The following RGL1 variants were observed in gnomAD, a reference collection of about 807,000 sequenced individuals.
RGL1 encodes ral guanine nucleotide dissociation stimulator like 1.
Under a neutral mutation model 95.2 loss-of-function variants are expected in RGL1, and 24 were observed. That is an observed-to-expected ratio of 0.25 (90% CI 0.18 to 0.35). The LOEUF (loss-of-function observed/expected upper bound fraction) is 0.35. RGL1 is among the 10% of genes least tolerant of loss of function. RGL1 has a pLI of 1.00. For missense variants in RGL1, 715 were observed against 936.3 expected (o/e 0.76, Z 3.08); for synonymous variants, 329 against 344.9 (o/e 0.95, Z 0.51).
chr1:183,819,113 G>C (rs908933224), intron 2 of RGL1, among the ~76,000 whole-genome samples: 5 of 152,168 alleles, frequency 3.3e-5, no homozygotes, highest in African/African-American at 4.8e-5. Flanking sequence ...ATTCTACTTA[G>C]GATTTTCATG....
intron 2 of RGL1, among the ~76,000 whole-genome samples, chr1:183,752,997 G>A (rs986244407): frequency 5.9e-5 from 9 of 151,962 alleles, no homozygotes; most frequent in African/African-American, 1.9e-4. Context: ...TTTGGGGTAC[G>A]AGGGCTTCTC....
Position 183,916,814 on chromosome 1 carries a change from A to G in RGL1, c.2004+113A>G, listed in dbSNP as rs188476758. The G allele has an allele frequency of 7.3e-4, 867 of 1,180,004 alleles. 8 individuals are homozygous for G. Among genetic ancestry groups the G allele is most frequent in the South Asian group, 6.4e-4 (43 of 66,674 alleles). The allele number at this position is 1,180,004 out of a possible 1,614,324, so 73.1% of individuals were successfully genotyped here. ...ATGCACACTCAATATTAGCATATAC[A>G]TATATGCATTCACACAGAAGGGATG... On this transcript the variant is annotated intron_variant, in intron 16 of 17. Coordinates refer to ENST00000360851, the MANE Select transcript of RGL1 (RefSeq NM_001297671.3).
chr1:183,871,829 G>T lies in RGL1; in HGVS notation c.425+5756G>T, dbSNP rs191910847. ...CACATGCGGAGTACTTGTAATTCCA[G>T]TCCAGAGTTCAGGCTTTGCACAATG... On this transcript the variant is annotated intron_variant, in intron 4 of 17. Transcript: ENST00000360851. 6.0e-4 allele frequency among the ~76,000 whole-genome samples: 91 copies of T among 152,338 alleles called. 1 individual carries two copies. Among genetic ancestry groups the T allele is most frequent in the African/African-American group, 2.2e-3 (91 of 41,574 alleles).
intron 4 of RGL1, among the ~76,000 whole-genome samples, chr1:183,877,331 G>A (rs1232606457): frequency 6.6e-6 from 1 of 152,230 alleles, no homozygotes; most frequent in Non-Finnish European, 1.5e-5. Context: ...ACTGGAGCCA[G>A]GCTGGGTAAG....
At chr1:183,674,383 T>C (rs1460496004) in intron 1 of RGL1, among the ~76,000 whole-genome samples, 2 of 152,064 alleles carry the variant, frequency 1.3e-5, no homozygotes, top group Admixed American at 1.3e-4. Flanking sequence ...TACACTTTTG[T>C]TTTTTTTAAA....
At chr1:183,657,090 CT>C (rs1201819369) in intron 1 of RGL1, among the ~76,000 whole-genome samples, 4 of 144,536 alleles carry the variant, frequency 2.8e-5, no homozygotes, top group African/African-American at 1.0e-4. Context: ...TTTTTTATTT[CT>C]GTGAAAAATG....
chr1:183,648,278 T>C (rs12045762), intron 1 of RGL1: 61,475 of 1,614,114 alleles, frequency 0.038, 2,037 homozygotes, highest in African/African-American at 0.17. Flanking sequence ...CGCGGTTCCA[T>C]GCTGAGGCAG....
At chr1:183,842,647 T>C (rs572560465) in intron 2 of RGL1, among the ~76,000 whole-genome samples, 1 of 152,304 alleles carries the variant, frequency 6.6e-6, no homozygotes, top group African/African-American at 2.4e-5. Flanking sequence ...AGTACCGTGA[T>C]CTTGTCAGTA....
intron 1 of RGL1, among the ~76,000 whole-genome samples, chr1:183,638,701 A>G (rs1649709234): frequency 6.6e-6 from 1 of 152,188 alleles, no homozygotes; most frequent in African/African-American, 2.4e-5. Flanking sequence ...ATGAGTGCTT[A>G]CCCTGATATA....
intron 2 of RGL1, among the ~76,000 whole-genome samples, chr1:183,836,147 G>A (rs925421722): frequency 6.6e-6 from 1 of 152,132 alleles, no homozygotes; most frequent in Non-Finnish European, 1.5e-5. Context: ...ATACAAGTTA[G>A]CCTTCTTTCT....
At chr1:183,902,491 A>T in intron 11 of RGL1, 77 bp from the exon 12 acceptor site, 1 of 1,235,258 alleles carries the variant, frequency 8.1e-7, no homozygotes, top group Non-Finnish European at 1.1e-6. Flanking sequence ...GATCTATTTT[A>T]ATGTGACCTA....
At chr1:183,737,625 G>T (rs1291186310) in intron 1 of RGL1, among the ~76,000 whole-genome samples, 1 of 150,834 alleles carries the variant, frequency 6.6e-6, no homozygotes, top group Admixed American at 6.6e-5. Flanking sequence ...CTCATCTGCA[G>T]ATTGTTTCTC....
At chr1:183,735,502 G>T (rs1019296620) in intron 1 of RGL1, among the ~76,000 whole-genome samples, 1 of 152,120 alleles carries the variant, frequency 6.6e-6, no homozygotes, top group African/African-American at 2.4e-5. Context: ...TAAAGAGCTG[G>T]CAGGCTAGCA....
At chr1:183,918,622 G>A (rs555660164) in intron 16 of RGL1, among the ~76,000 whole-genome samples, 1 of 152,354 alleles carries the variant, frequency 6.6e-6, no homozygotes, top group African/African-American at 2.4e-5. Context: ...GTCACAGGTT[G>A]TGCATGCTGT....
At chr1:183,823,114 T>A (rs1211957181) in intron 2 of RGL1, among the ~76,000 whole-genome samples, 2 of 152,332 alleles carry the variant, frequency 1.3e-5, no homozygotes, top group Non-Finnish European at 2.9e-5. Context: ...CTTCTTAGAA[T>A]GAACTGTATG....
chr1:183,897,207 T>C (rs889749665), intron 9 of RGL1, among the ~76,000 whole-genome samples: 1 of 152,180 alleles, frequency 6.6e-6, no homozygotes, highest in Non-Finnish European at 1.5e-5. Flanking sequence ...ATGATTGCTT[T>C]CATAACCAAA....
rs893686465 is a variant in RGL1 at position 183,742,388 on chromosome 1, A to G, written c.132+99A>G. 20 of 1,415,164 alleles carry G rather than the reference A, an allele frequency of 1.4e-5. No individual in the cohort carries two copies. The African/African-American group carries it at 2.7e-4, about 19-fold the overall frequency. The allele number at this position is 1,415,164 out of a possible 1,614,324, so 87.7% of individuals were successfully genotyped here. A position where few individuals can be genotyped will look rare whatever the true frequency, so the allele number is the denominator to read the frequency against. On this transcript the variant is annotated intron_variant, in intron 2 of 18. Coordinates refer to the RGL1 transcript ENST00000304685. Reference sequence around the variant, plus strand: ...AGCCAGCACCACAGGCCAGCTTGGCAAATCTTTATTCAGGGGCTGTAGGCA... The same window carrying G: ...AGCCAGCACCACAGGCCAGCTTGGCGAATCTTTATTCAGGGGCTGTAGGCA...
chr1:183,801,345 G>T (rs942466156), upstream of RGL1, among the ~76,000 whole-genome samples: 107 of 151,718 alleles, frequency 7.1e-4, no homozygotes, highest in African/African-American at 2.5e-3. Context: ...TTTTAAATTG[G>T]GTTTTTTTTT....
chr1:183,722,693 C>G (rs1280307896), intron 1 of RGL1, among the ~76,000 whole-genome samples: 3 of 152,158 alleles, frequency 2.0e-5, no homozygotes, highest in African/African-American at 7.2e-5. Flanking sequence ...AATGCTGGAA[C>G]AAATTTTGTC....
Sources: gnomAD v4.1 joint callset for allele counts (sites outside exome capture counted in the v4.1 genomes callset) on GRCh38, gnomAD v4.1.1 for gene constraint, MANE v1.5 for transcripts, NCBI Gene and HGNC (gene_info 2026-07-23, HGNC 2026-07-21) for gene names.